Variants in PLCL1 observed in about 807,000 individuals in gnomAD.
PLCL1 encodes the protein inactive phospholipase C-like protein 1.
PLCL1 carries 41 observed loss-of-function variants against 84.4 expected under a neutral mutation model. The ratio of observed to expected loss-of-function variants is 0.49; its 90% CI spans 0.38 to 0.63. The LOEUF (loss-of-function observed/expected upper bound fraction) is 0.63. PLCL1 is among the 30% of genes least tolerant of loss of function. PLCL1 has a pLI of 0.00. For synonymous variants in PLCL1, 490 were observed against 488.3 expected, an observed-to-expected ratio of 1.00 and a Z score of -0.05; for missense variants, 1,206 against 1,367.8, an observed-to-expected ratio of 0.88 and a Z score of 1.87.
chr2:198,131,033 C>T (rs979315793), intron 5 of PLCL1, among the ~76,000 whole-genome samples: 1 of 152,166 alleles, frequency 6.6e-6, no homozygotes, highest in Non-Finnish European at 1.5e-5. Context: ...TCCTTCCCCT[C>T]CAGCTTCGTC....
At chr2:198,138,593 A>C (rs1241091370) in intron 5 of PLCL1, among the ~76,000 whole-genome samples, 1 of 152,144 alleles carries the variant, frequency 6.6e-6, no homozygotes, top group East Asian at 1.9e-4. Context: ...ACTTGAGTAA[A>C]AGGTAGTTAT....
chr2:197,902,543 G>GT (rs991663216), intron 1 of PLCL1, among the ~76,000 whole-genome samples: 31 of 152,162 alleles, frequency 2.0e-4, no homozygotes, highest in Non-Finnish European at 1.0e-4. Context: ...ATATTTTCCT[G>GT]TTTTTTATCT....
chr2:197,866,093 A>ATATATATATATAAAC (rs1416803124), intron 1 of PLCL1, among the ~76,000 whole-genome samples: 1 of 57,140 alleles, frequency 1.8e-5, no homozygotes, highest in East Asian at 3.4e-4. Flanking sequence ...TATATAAACT[A>ATATATATATATAAAC]TATATATATA....
chr2:197,857,463 C>T (rs908598102), intron 1 of PLCL1, among the ~76,000 whole-genome samples: 2 of 152,272 alleles, frequency 1.3e-5, no homozygotes, highest in African/African-American at 4.8e-5. Context: ...TACTGCTGAT[C>T]AGGGCTTCTG....
chr2:197,884,394 T>C (rs1187206804), intron 1 of PLCL1, among the ~76,000 whole-genome samples: 1 of 152,246 alleles, frequency 6.6e-6, no homozygotes, highest in African/African-American at 2.4e-5. Flanking sequence ...AGAAGTCCTG[T>C]ACAATACTTC....
At chr2:197,917,620 G>GAAAAAAT (rs1289418790) in intron 1 of PLCL1, among the ~76,000 whole-genome samples, 2 of 152,048 alleles carry the variant, frequency 1.3e-5, no homozygotes, top group African/African-American at 4.8e-5. Context: ...GTATGCAAAT[G>GAAAAAAT]AAAAAATAAT....
intron 1 of PLCL1, among the ~76,000 whole-genome samples, chr2:197,982,887 T>C (rs1194819996): frequency 6.6e-6 from 1 of 152,206 alleles, no homozygotes; most frequent in African/African-American, 2.4e-5. Flanking sequence ...AACTTTTAAA[T>C]ATCAATATTT....
intron 5 of PLCL1, among the ~76,000 whole-genome samples, chr2:198,138,177 T>TTTTGA (rs1491306062): frequency 1.3e-5 from 2 of 152,108 alleles, no homozygotes; most frequent in African/African-American, 4.8e-5. Context: ...GGTTTTTTTG[T>TTTTGA]TTTGTTTTGT....
chr2:198,051,892 C>T, intron 1 of PLCL1, among the ~76,000 whole-genome samples: 1 of 151,456 alleles, frequency 6.6e-6, no homozygotes, highest in Admixed American at 6.6e-5. Context: ...GCCACCACGG[C>T]CAGCTAATTA....
chr2:198,043,934 C>G (rs1691729008), intron 1 of PLCL1, among the ~76,000 whole-genome samples: 1 of 108,060 alleles, frequency 9.3e-6, no homozygotes, highest in Admixed American at 9.7e-5. Context: ...ATTTCTTTTA[C>G]TTTCTCTGTG....
intron 1 of PLCL1, among the ~76,000 whole-genome samples, chr2:197,835,336 A>G (rs1288348775): frequency 6.6e-6 from 1 of 152,214 alleles, no homozygotes; most frequent in Non-Finnish European, 1.5e-5. Flanking sequence ...AGAAATTTTT[A>G]CCATTTTAAC....
At chr2:198,107,634 T>C (rs1026420637) in intron 5 of PLCL1, among the ~76,000 whole-genome samples, 7 of 152,014 alleles carry the variant, frequency 4.6e-5, no homozygotes, top group African/African-American at 1.7e-4. Context: ...TTTATTTCTT[T>C]GTTAACTTCT....
intron 1 of PLCL1, among the ~76,000 whole-genome samples, chr2:197,839,503 G>A (rs1248373058): frequency 6.6e-6 from 1 of 152,208 alleles, no homozygotes; most frequent in Non-Finnish European, 1.5e-5. Context: ...TGCTGCCACT[G>A]GTCTGACAGG....
chr2:197,972,634 G>A (rs7426250), intron 1 of PLCL1, among the ~76,000 whole-genome samples: 27,527 of 152,094 alleles, frequency 0.18, 2,585 homozygotes, highest in Middle Eastern at 0.26. Context: ...TCAGCAAGCC[G>A]TTTACATTTT....
chr2:197,872,498 A>G (rs985034845), intron 1 of PLCL1, among the ~76,000 whole-genome samples: 1 of 152,054 alleles, frequency 6.6e-6, no homozygotes, highest in African/African-American at 2.4e-5. Flanking sequence ...ACTGTACCCT[A>G]ATGGTTAAGG....
At chr2:197,936,875 T>C (rs1689065239) in intron 1 of PLCL1, among the ~76,000 whole-genome samples, 1 of 152,146 alleles carries the variant, frequency 6.6e-6, no homozygotes, top group African/African-American at 2.4e-5. Context: ...GTCACGTAGC[T>C]TTCCCCCTGT....
intron 5 of PLCL1, among the ~76,000 whole-genome samples, chr2:198,113,379 C>G (rs990172531): frequency 6.6e-6 from 1 of 151,874 alleles, no homozygotes; most frequent in Non-Finnish European, 1.5e-5. Flanking sequence ...AGGTGACAGG[C>G]TTTGTGCTTG....
chr2:197,889,403 C>T (rs1687974417), intron 1 of PLCL1, among the ~76,000 whole-genome samples: 1 of 152,074 alleles, frequency 6.6e-6, no homozygotes, highest in African/African-American at 2.4e-5. Flanking sequence ...AAACTCTGCT[C>T]TTTTGGAGAT....
intron 1 of PLCL1, among the ~76,000 whole-genome samples, chr2:197,912,120 G>C (rs1688494667): frequency 6.6e-6 from 1 of 152,136 alleles, no homozygotes; most frequent in South Asian, 2.1e-4. Flanking sequence ...TGGGAAGAAG[G>C]TGCTGTCTGG....
Sources: allele counts gnomAD v4.1 joint callset (sites outside exome capture counted in the v4.1 genomes callset), GRCh38; gene constraint gnomAD v4.1.1; transcripts MANE v1.5; gene names NCBI Gene and HGNC (gene_info 2026-07-23, HGNC 2026-07-21).